The following POC5 variants were observed in gnomAD, a reference collection of about 807,000 sequenced individuals.
POC5 encodes the protein centrosomal protein POC5.
In POC5, 48 loss-of-function variants were observed where a neutral mutation model predicts 62.9. The observed-to-expected ratio is 0.76, with a 90% CI of 0.61 to 0.97. The LOEUF (loss-of-function observed/expected upper bound fraction) is 0.97. Among genes scored for constraint, POC5 ranks in the 50% least tolerant of loss-of-function variants. The pLI is 0.00. For missense variants in POC5, 696 were observed against 679.5 expected, an observed-to-expected ratio of 1.02 and a Z score of -0.27; for synonymous variants, 236 against 228.2, an observed-to-expected ratio of 1.03 and a Z score of -0.31.
At chr5:75,716,383 T>TTGG (rs1347540875) in intron 1 of POC5, among the ~76,000 whole-genome samples, 1 of 50,360 alleles carries the variant, frequency 2.0e-5, no homozygotes, top group Non-Finnish European at 4.0e-5. Flanking sequence ...GTAACAGGGG[T>TTGG]GGGGGGGGGG....
intron 7 of POC5, 71 bp downstream of exon 7, chr5:75,692,325 A>G (rs187934514): frequency 2.1e-5 from 22 of 1,030,848 alleles, no homozygotes; most frequent in Non-Finnish European, 1.1e-5. Flanking sequence ...AACAACTATA[A>G]TAAGTGATCC....
At position 75,716,392 on chromosome 5, in the gene POC5, G is replaced by C. The variant is rs563659075; in HGVS notation, c.-15+914C>G. On this transcript the variant is annotated intron_variant, in intron 1 of 11. Coordinates refer to ENST00000428202, the MANE Select transcript of POC5 (RefSeq NM_001099271.2). ...AGGCAGGTAACAGGGGTGGGGGGGG[G>C]GGGGTGCTGATTATTTAAAAATGAG... Among the ~76,000 whole-genome samples the C allele has an allele frequency of 2.1e-3, 196 of 94,998 alleles. 1 individual carries two copies. Among genetic ancestry groups the C allele is most frequent in the African/African-American group, 7.0e-3 (190 of 26,996 alleles). The allele number at this position is 94,998 out of a possible 152,430, so 62.3% of individuals were successfully genotyped here.
intron 6 of POC5, among the ~76,000 whole-genome samples, chr5:75,694,225 C>T (rs1483135100): frequency 1.3e-5 from 2 of 152,088 alleles, no homozygotes; most frequent in African/African-American, 4.8e-5. Flanking sequence ...CTTAAAATGA[C>T]CCCTAAAAGG....
At chr5:75,690,360 G>T in intron 8 of POC5, 23 bp downstream of exon 8, 1 of 1,578,082 alleles carries the variant, frequency 6.3e-7, no homozygotes, top group African/African-American at 1.4e-5. Context: ...AGAAGAAAGT[G>T]AAAACCAGAA....
chr5:75,685,785 T>C (rs1438293797), intron 9 of POC5, among the ~76,000 whole-genome samples: 1 of 152,176 alleles, frequency 6.6e-6, no homozygotes, highest in East Asian at 1.9e-4. Context: ...AAGTAGAGTA[T>C]ATTGCCATCA....
At chr5:75,715,282 C>G (rs1270564372) in intron 1 of POC5, among the ~76,000 whole-genome samples, 3 of 143,834 alleles carry the variant, frequency 2.1e-5, no homozygotes, top group African/African-American at 8.0e-5. Context: ...TGCACTCCAG[C>G]CTGGGCGACA....
chr5:75,682,125 A>G (rs168807), intron 10 of POC5, among the ~76,000 whole-genome samples: 126,542 of 152,200 alleles, frequency 0.83, 52,824 homozygotes, highest in Middle Eastern at 0.9. Flanking sequence ...ATAGTGGGAT[A>G]GGGCAGACAG....
In POC5 at chr5:75,696,526, A is replaced by C. The variant is rs1580031325; in HGVS notation, c.514-1695T>G. On this transcript the variant is annotated intron_variant, in intron 5 of 11. Coordinates refer to ENST00000428202, the MANE Select transcript of POC5 (RefSeq NM_001099271.2). ...TGTCTGTTAGAAGGAAAACTAACAA[A>C]CAGAAAGGACATCCACACCAAAAAC... 3.3e-5 allele frequency among the ~76,000 whole-genome samples: 5 copies of C among 151,876 alleles called. No homozygotes were observed. In the East Asian group the frequency reaches 7.7e-4, roughly 24 times the overall value.
chr5:75,685,672 C>G (rs1776073447), intron 9 of POC5, among the ~76,000 whole-genome samples, 188 bp from the exon 10 acceptor site: 1 of 152,284 alleles, frequency 6.6e-6, no homozygotes, highest in East Asian at 1.9e-4. Flanking sequence ...GCATTAACCA[C>G]TAAAAACTTC....
rs1014284257 is a variant in POC5 at position 75,686,097 on chromosome 5, T to C, written c.1130-613A>G. On this transcript the variant is annotated intron_variant, in intron 9 of 11. Transcript: ENST00000428202. The stretch of plus-strand genomic sequence containing the variant: ...AATCATAAGAGCATATTTGTGCACC[T>C]AACTGATTTGTAGTGACACCCCAAT... 6.6e-5 allele frequency among the ~76,000 whole-genome samples: 10 copies of C among 152,204 alleles called. No homozygotes were observed. In the South Asian group the frequency reaches 2.1e-3, roughly 31 times the overall value.
chr5:75,705,369 G>A (rs1777074020), intron 4 of POC5: 1 of 168,618 alleles, frequency 5.9e-6, no homozygotes, highest in East Asian at 1.6e-4. Context: ...GTACGCAAAT[G>A]CCTGAAAGTT....
At chr5:75,688,164 G>A (rs1288774596) in intron 9 of POC5, among the ~76,000 whole-genome samples, 1 of 152,138 alleles carries the variant, frequency 6.6e-6, no homozygotes, top group African/African-American at 2.4e-5. Flanking sequence ...GTTATTCATT[G>A]GATTGAAATC....
At chr5:75,684,608 C>G (rs1340763160) in intron 10 of POC5, among the ~76,000 whole-genome samples, 1 of 152,092 alleles carries the variant, frequency 6.6e-6, no homozygotes, top group South Asian at 2.1e-4. Flanking sequence ...GGTGATCCGC[C>G]CACCTCGGCC....
intron 2 of POC5, among the ~76,000 whole-genome samples, chr5:75,711,644 CT>C (rs990706565): frequency 2.0e-5 from 3 of 152,008 alleles, no homozygotes; most frequent in Non-Finnish European, 4.4e-5. Context: ...AGTAATAACA[CT>C]GTATGTACAG....
intron 2 of POC5, among the ~76,000 whole-genome samples, chr5:75,708,553 A>G (rs1430417931): frequency 1.3e-5 from 2 of 152,252 alleles, no homozygotes; most frequent in Non-Finnish European, 2.9e-5. Flanking sequence ...ACTTAAGTTT[A>G]TAAAACTGCA....
Position 75,706,557 on chromosome 5 carries a change from C to T in POC5, c.224-770G>A, listed in dbSNP as rs922685790. ...CCTTGAACTGTTGACTACAGCATCT[C>T]GAAAGTTTTTTCTTTTTTTTTTTTT... On this transcript the variant is annotated intron_variant, in intron 3 of 11. Transcript: ENST00000428202. 8.8e-5 allele frequency among the ~76,000 whole-genome samples: 13 copies of T among 147,932 alleles called. No individual in the cohort carries two copies. The East Asian group carries it at 9.8e-4, about 11-fold the overall frequency.
At chr5:75,680,435 T>C (rs564040994) in intron 10 of POC5, among the ~76,000 whole-genome samples, 21 of 152,138 alleles carry the variant, frequency 1.4e-4, no homozygotes, top group Non-Finnish European at 2.8e-4. Context: ...TTTGAAAATA[T>C]ATACTCCTGT....
rs1221054311 is a variant in POC5, at chr5:75,705,658, A to G, written c.307+46T>C. Reference sequence around the variant, plus strand: ...CTACATAGATAATATTCATCAAACCACAAAATGTTGTATATTAATACAAAT... The same window carrying G: ...CTACATAGATAATATTCATCAAACCGCAAAATGTTGTATATTAATACAAAT... On this transcript the variant is annotated intron_variant, in intron 4 of 11. Transcript: ENST00000428202. 3 of 1,215,434 alleles carry G rather than the reference A, an allele frequency of 2.5e-6. No homozygotes were observed. The East Asian group carries it at 8.4e-5, about 34-fold the overall frequency. The allele number at this position is 1,215,434 out of a possible 1,614,324, so 75.3% of individuals were successfully genotyped here. A position where few individuals can be genotyped will look rare whatever the true frequency, so the allele number is the denominator to read the frequency against.
chr5:75,716,387 G>T lies in POC5; in HGVS notation c.-15+919C>A, dbSNP rs1199793509. 1.1e-3 allele frequency among the ~76,000 whole-genome samples: 88 copies of T among 77,076 alleles called. 1 individual carries two copies. Among genetic ancestry groups the T allele is most frequent in the Non-Finnish European group, 1.8e-3 (69 of 39,202 alleles). 50.6% of individuals were successfully genotyped at this position (77,076 alleles called of 152,430 possible). On this transcript the variant is annotated intron_variant, in intron 1 of 11. Transcript: ENST00000428202. ...AGACCAGGCAGGTAACAGGGGTGGGGGGGGGGGGGTGCTGATTATTTAAAA... is the reference window on the plus strand; with the variant it reads ...AGACCAGGCAGGTAACAGGGGTGGGTGGGGGGGGGTGCTGATTATTTAAAA...
Sources: gnomAD v4.1 joint callset for allele counts (sites outside exome capture counted in the v4.1 genomes callset) on GRCh38, gnomAD v4.1.1 for gene constraint, MANE v1.5 for transcripts, NCBI Gene and HGNC (gene_info 2026-07-23, HGNC 2026-07-21) for gene names.